SLC24A2: variants seen among roughly 807,000 people sequenced by gnomAD.
SLC24A2 encodes sodium/potassium/calcium exchanger 2.
A neutral mutation model predicts 62.0 loss-of-function variants in SLC24A2; 36 were observed. The observed-to-expected ratio is 0.58, with a 90% CI of 0.44 to 0.77. SLC24A2 has a LOEUF of 0.77. Ranked by LOEUF, SLC24A2 falls within the 30% of genes least tolerant of loss-of-function variation. The probability of loss-of-function intolerance (pLI) is 0.00; values close to 1 mark genes in which losing one functional copy is unlikely to be tolerated. For missense variants in SLC24A2, 846 were observed against 817.9 expected, an observed-to-expected ratio of 1.03 and a Z score of -0.42; for synonymous variants, 358 against 294.0, an observed-to-expected ratio of 1.22 and a Z score of -2.23.
the SLC24A2 span, among the ~76,000 whole-genome samples, chr9:19,870,303 A>C: frequency 3.3e-5 from 5 of 152,174 alleles, no homozygotes; most frequent in Non-Finnish European, 5.9e-5. Flanking sequence ...TCTTTTACTT[A>C]GCATAATGTT....
intron 2 of SLC24A2, among the ~76,000 whole-genome samples, chr9:19,682,085 AT>A (rs1819739351): frequency 6.6e-6 from 1 of 152,086 alleles, no homozygotes; most frequent in African/African-American, 2.4e-5. Context: ...CCATGGGTTA[AT>A]GGGAACTGGG....
At chr9:20,227,703 C>A in the SLC24A2 span, among the ~76,000 whole-genome samples, 7 of 152,098 alleles carry the variant, frequency 4.6e-5, no homozygotes, top group African/African-American at 1.7e-4. Context: ...AGGCAGCCAA[C>A]TATGTTCAAT....
chr9:20,139,085 C>T, the SLC24A2 span, among the ~76,000 whole-genome samples: 13 of 152,174 alleles, frequency 8.5e-5, no homozygotes, highest in South Asian at 2.1e-4. Context: ...CTAATTGCTA[C>T]GGAAGCTGAG....
the SLC24A2 span, among the ~76,000 whole-genome samples, chr9:20,247,657 G>C: frequency 6.6e-6 from 1 of 152,292 alleles, no homozygotes; most frequent in South Asian, 2.1e-4. Context: ...TCTATTGTTG[G>C]TTAGCCAAAA....
At chr9:20,245,281 G>C in the SLC24A2 span, among the ~76,000 whole-genome samples, 1 of 152,116 alleles carries the variant, frequency 6.6e-6, no homozygotes, top group African/African-American at 2.4e-5. Flanking sequence ...CAAGTTTCAC[G>C]GGTTACCTAT....
At chr9:19,705,756 T>C (rs1330543682) in intron 2 of SLC24A2, 1 of 154,170 alleles carries the variant, frequency 6.5e-6, no homozygotes, top group Non-Finnish European at 1.5e-5. Context: ...AATGAGTTTC[T>C]TAATCCTGAG....
the SLC24A2 span, among the ~76,000 whole-genome samples, chr9:19,910,602 C>A: frequency 6.6e-6 from 1 of 152,086 alleles, no homozygotes; most frequent in Non-Finnish European, 1.5e-5. Flanking sequence ...TTGCAGGTCT[C>A]CACATATAGC....
chr9:19,820,546 T>A, the SLC24A2 span, among the ~76,000 whole-genome samples: 635 of 151,366 alleles, frequency 4.2e-3, 5 homozygotes, highest in Non-Finnish European at 5.2e-3. Context: ...AAATAAAAAA[T>A]AAATAAATAA....
the SLC24A2 span, among the ~76,000 whole-genome samples, chr9:20,198,290 G>A: frequency 6.6e-6 from 1 of 152,224 alleles, no homozygotes; most frequent in Non-Finnish European, 1.5e-5. Flanking sequence ...GTGAATTGTT[G>A]CTCTGACTTT....
intron 2 of SLC24A2, among the ~76,000 whole-genome samples, chr9:19,756,528 G>A (rs10811237): frequency 0.35 from 53,652 of 152,030 alleles, 10,609 homozygotes; most frequent in Admixed American, 0.44. Flanking sequence ...ATTTGATGCT[G>A]ACAACAATAT....
At chr9:19,869,920 T>G in the SLC24A2 span, among the ~76,000 whole-genome samples, 25 of 152,218 alleles carry the variant, frequency 1.6e-4, no homozygotes, top group Non-Finnish European at 3.2e-4. Flanking sequence ...TCCTTTAATA[T>G]TTATGTAAAG....
At chr9:19,626,964 C>T (rs1397330646) in intron 2 of SLC24A2, among the ~76,000 whole-genome samples, 2 of 152,188 alleles carry the variant, frequency 1.3e-5, no homozygotes, top group South Asian at 4.1e-4. Flanking sequence ...ATCTCTTTCT[C>T]CCTCCTTTTA....
intron 2 of SLC24A2, among the ~76,000 whole-genome samples, chr9:19,693,813 T>C (rs73646359): frequency 0.15 from 23,032 of 151,980 alleles, 2,881 homozygotes; most frequent in African/African-American, 0.34. Flanking sequence ...TAAAAATAAC[T>C]TCTTCCCTTT....
At chr9:20,006,322 T>C in the SLC24A2 span, among the ~76,000 whole-genome samples, 1 of 151,646 alleles carries the variant, frequency 6.6e-6, no homozygotes, top group Non-Finnish European at 1.5e-5. Flanking sequence ...ATCAGAAACA[T>C]GAAGGGTAGT....
At chr9:20,130,760 CAGG>C in the SLC24A2 span, among the ~76,000 whole-genome samples, 2 of 152,102 alleles carry the variant, frequency 1.3e-5, no homozygotes, top group African/African-American at 4.8e-5. Context: ...GGATGCAGAG[CAGG>C]AGACCAGTTA....
intron 2 of SLC24A2, among the ~76,000 whole-genome samples, chr9:19,694,515 C>T (rs377551663): frequency 3.0e-4 from 45 of 151,832 alleles, no homozygotes; most frequent in African/African-American, 1.0e-3. Flanking sequence ...AACTAGCAGG[C>T]GAAAGACTTT....
At chr9:19,621,456 G>C (rs1383458506) in intron 3 of SLC24A2, among the ~76,000 whole-genome samples, 1 of 152,148 alleles carries the variant, frequency 6.6e-6, no homozygotes, top group African/African-American at 2.4e-5. Flanking sequence ...AACTCTTTTG[G>C]CCTTGAAAGT....
the SLC24A2 span, among the ~76,000 whole-genome samples, chr9:19,898,209 G>T: frequency 6.6e-6 from 1 of 152,220 alleles, no homozygotes; most frequent in Non-Finnish European, 1.5e-5. Context: ...GAAGCAGCTT[G>T]TGGAAGGGTC....
the SLC24A2 span, among the ~76,000 whole-genome samples, chr9:19,921,827 A>G: frequency 6.6e-6 from 1 of 152,176 alleles, no homozygotes; most frequent in African/African-American, 2.4e-5. Context: ...GGCAATTCAC[A>G]ATACAAAAAG....
Sources: gnomAD v4.1 joint callset for allele counts (sites outside exome capture counted in the v4.1 genomes callset) on GRCh38, gnomAD v4.1.1 for gene constraint, MANE v1.5 for transcripts, NCBI Gene and HGNC (gene_info 2026-07-23, HGNC 2026-07-21) for gene names.